Variants in LRRC53 observed in about 807,000 individuals in gnomAD.
LRRC53 encodes leucine-rich repeat-containing protein 53.
Under a neutral mutation model 13.6 loss-of-function variants are expected in LRRC53, and 25 were observed. The ratio of observed to expected loss-of-function variants is 1.83; its 90% CI spans 1.34 to 2.56. LRRC53 has a LOEUF of 2.56. Ranked by LOEUF, LRRC53 falls within the 30% of genes most tolerant of loss-of-function variation. LRRC53 has a pLI of 0.00. For missense variants in LRRC53, 527 were observed against 275.8 expected, an observed-to-expected ratio of 1.91 and a Z score of -6.45; for synonymous variants, 204 against 109.8, an observed-to-expected ratio of 1.86 and a Z score of -5.37.
At chr1:74,499,865 C>T (rs977756609) in intron 1 of LRRC53, among the ~76,000 whole-genome samples, 1 of 151,746 alleles carries the variant, frequency 6.6e-6, no homozygotes, top group African/African-American at 2.4e-5. Flanking sequence ...TCTTATATAC[C>T]TTTTGTGTGA....
intron 1 of LRRC53, among the ~76,000 whole-genome samples, chr1:74,509,843 C>G (rs1344508487): frequency 1.3e-5 from 2 of 148,934 alleles, no homozygotes; most frequent in Non-Finnish European, 3.0e-5. Context: ...GCCTCAACTT[C>G]CCCAGGCTCA....
intron 4 of LRRC53, among the ~76,000 whole-genome samples, chr1:74,473,758 G>C (rs1668053588): frequency 6.6e-6 from 1 of 152,082 alleles, no homozygotes; most frequent in Non-Finnish European, 1.5e-5. Context: ...TGGAAGGTTG[G>C]ACTAGATGGG....
chr1:74,479,449 T>C (rs942281574), intron 3 of LRRC53, among the ~76,000 whole-genome samples: 1 of 152,168 alleles, frequency 6.6e-6, no homozygotes, highest in African/African-American at 2.4e-5. Context: ...TACATAGAGT[T>C]GGACAAACAG....
chr1:74,490,416 C>T (rs1010645729), intron 1 of LRRC53, among the ~76,000 whole-genome samples: 1 of 152,094 alleles, frequency 6.6e-6, no homozygotes, highest in South Asian at 2.1e-4. Context: ...GAGTTTGCTT[C>T]GAGCCTAATG....
the LRRC53 span, among the ~76,000 whole-genome samples, chr1:74,519,860 C>T: frequency 3.3e-5 from 5 of 152,102 alleles, no homozygotes; most frequent in African/African-American, 1.2e-4. Flanking sequence ...GTCCCTGTGG[C>T]AGTGTGGGTG....
the LRRC53 span, among the ~76,000 whole-genome samples, chr1:74,529,542 G>T: frequency 3.3e-5 from 5 of 152,186 alleles, no homozygotes; most frequent in Admixed American, 6.6e-5. Context: ...TATAAAAAGC[G>T]TTATTGAGAT....
intron 1 of LRRC53, among the ~76,000 whole-genome samples, chr1:74,504,094 T>C (rs1311095219): frequency 1.3e-5 from 2 of 152,200 alleles, no homozygotes; most frequent in Admixed American, 1.3e-4. Flanking sequence ...TAGTGAAATA[T>C]ACAAGCAATT....
At chr1:74,516,764 T>C (rs1646354021), upstream of LRRC53, among the ~76,000 whole-genome samples, 2 of 152,210 alleles carry the variant, frequency 1.3e-5, no homozygotes, top group Non-Finnish European at 2.9e-5. Context: ...ATAATGAATG[T>C]GCCCTCATAT....
intron 1 of LRRC53, among the ~76,000 whole-genome samples, chr1:74,506,883 T>G (rs1178973161): frequency 2.0e-5 from 3 of 152,196 alleles, no homozygotes; most frequent in Non-Finnish European, 4.4e-5. Flanking sequence ...CACTGTCTTC[T>G]CGGAAAAGAT....
intron 2 of LRRC53, 35 bp downstream of exon 2, chr1:74,483,227 T>A: frequency 1.4e-6 from 1 of 715,688 alleles, no homozygotes; most frequent in Non-Finnish European, 2.6e-6. Context: ...CCAGGTACAC[T>A]GAGCACTGCT....
At chr1:74,534,320 T>TA in the LRRC53 span, among the ~76,000 whole-genome samples, 2 of 152,126 alleles carry the variant, frequency 1.3e-5, no homozygotes, top group East Asian at 1.9e-4. Flanking sequence ...AATGTGATTT[T>TA]AAAAAAATGA....
chr1:74,480,990 C>G, intron 2 of LRRC53, 22 bp from the exon 3 acceptor site: 1 of 693,326 alleles, frequency 1.4e-6, no homozygotes, highest in Non-Finnish European at 2.7e-6. Flanking sequence ...AAAGCACAGA[C>G]TAGATGCAGG....
the LRRC53 span, among the ~76,000 whole-genome samples, chr1:74,536,501 A>G: frequency 6.6e-6 from 1 of 152,166 alleles, no homozygotes; most frequent in Non-Finnish European, 1.5e-5. Context: ...ATGCACCTTT[A>G]TAAAAACGGT....
chr1:74,531,917 G>T, the LRRC53 span, among the ~76,000 whole-genome samples: 2 of 152,156 alleles, frequency 1.3e-5, no homozygotes, highest in Non-Finnish European at 2.9e-5. Context: ...GGCCTTAAAT[G>T]GTGTTGCCTT....
At chr1:74,529,920 G>T in the LRRC53 span, among the ~76,000 whole-genome samples, 1 of 152,114 alleles carries the variant, frequency 6.6e-6, no homozygotes, top group Non-Finnish European at 1.5e-5. Context: ...TGTCCTTAGA[G>T]CATGTCCTTT....
chr1:74,473,012 C>G (rs768797297), intron 4 of LRRC53, among the ~76,000 whole-genome samples: 2 of 152,020 alleles, frequency 1.3e-5, no homozygotes, highest in Non-Finnish European at 2.9e-5. Context: ...TATCTACAGC[C>G]CTATAGGCAC....
intron 1 of LRRC53, among the ~76,000 whole-genome samples, chr1:74,500,977 A>G (rs961773936): frequency 2.0e-5 from 3 of 152,114 alleles, no homozygotes; most frequent in Non-Finnish European, 2.9e-5. Flanking sequence ...CTTGTGATAT[A>G]TTATGTTTCC....
intron 1 of LRRC53, among the ~76,000 whole-genome samples, chr1:74,484,448 A>G (rs1668653223): frequency 6.6e-6 from 1 of 152,252 alleles, no homozygotes. Flanking sequence ...GGATATAAAC[A>G]ATAAACAAAT....
chr1:74,472,922 T>C (rs1668007797), intron 4 of LRRC53, among the ~76,000 whole-genome samples: 1 of 152,064 alleles, frequency 6.6e-6, no homozygotes, highest in African/African-American at 2.4e-5. Flanking sequence ...CATGTTACAA[T>C]CTTTCATTTA....
Sources: allele counts gnomAD v4.1 joint callset (sites outside exome capture counted in the v4.1 genomes callset), GRCh38; gene constraint gnomAD v4.1.1; transcripts MANE v1.5; gene names NCBI Gene and HGNC (gene_info 2026-07-23, HGNC 2026-07-21).